The following PLB1 variants were observed in gnomAD, a reference collection of about 807,000 sequenced individuals.
PLB1 encodes phospholipase B1, also known as phospholipase B1, membrane-associated.
In PLB1, 242 loss-of-function variants were observed where a neutral mutation model predicts 227.4. That is an observed-to-expected ratio of 1.06 (90% CI 0.96 to 1.18). The LOEUF (loss-of-function observed/expected upper bound fraction) is 1.18. PLB1 is among the 50% of genes most tolerant of loss of function. PLB1 has a pLI of 0.00. For missense variants in PLB1, 1,858 were observed against 1,816.3 expected, an observed-to-expected ratio of 1.02 and a Z score of -0.42; for synonymous variants, 757 against 682.2, an observed-to-expected ratio of 1.11 and a Z score of -1.71.
chr2:28,584,688 T>G (rs576955106), intron 25 of PLB1, among the ~76,000 whole-genome samples: 2 of 152,326 alleles, frequency 1.3e-5, no homozygotes, highest in East Asian at 3.9e-4. Context: ...TCCCCGCCTC[T>G]CCACTGTTTC....
intron 31 of PLB1, 28 bp from the exon 32 acceptor site, chr2:28,592,633 C>A: frequency 6.2e-7 from 1 of 1,612,256 alleles, no homozygotes; most frequent in Non-Finnish European, 8.5e-7. Flanking sequence ...CCTCCTGCAG[C>A]CCTAAGTGTG....
intron 45 of PLB1, 149 bp downstream of exon 45, chr2:28,617,936 G>A: frequency 1.3e-6 from 1 of 792,248 alleles, no homozygotes. Context: ...TGCCGCCACA[G>A]CTGGGCTTCC....
At chr2:28,586,811 A>G (rs1249977863) in intron 26 of PLB1, among the ~76,000 whole-genome samples, 1 of 152,190 alleles carries the variant, frequency 6.6e-6, no homozygotes, top group Non-Finnish European at 1.5e-5. Context: ...GCAGTGGCAC[A>G]ATCTTGGCTC....
chr2:28,608,458 A>C (rs995984143), intron 43 of PLB1, among the ~76,000 whole-genome samples: 2 of 152,232 alleles, frequency 1.3e-5, no homozygotes, highest in Non-Finnish European at 2.9e-5. Context: ...GGCTGTGAGC[A>C]TGAGCTTTCT....
intron 23 of PLB1, among the ~76,000 whole-genome samples, chr2:28,580,582 C>T (rs1679755645): frequency 6.6e-6 from 1 of 152,112 alleles, no homozygotes; most frequent in African/African-American, 2.4e-5. Flanking sequence ...GTTGTGATGG[C>T]AAGTGCTTGT....
At chr2:28,630,554 G>A in intron 53 of PLB1, 32 bp from the exon 54 acceptor site, 1 of 1,593,918 alleles carries the variant, frequency 6.3e-7, no homozygotes. Flanking sequence ...AGTGCCCCAG[G>A]CAGCCTCAAT....
chr2:28,510,588 T>C (rs983226569), intron 1 of PLB1, among the ~76,000 whole-genome samples: 2 of 151,636 alleles, frequency 1.3e-5, no homozygotes, highest in Non-Finnish European at 2.9e-5. Context: ...TTGTGTTCTT[T>C]ACTCCTGATT....
At chr2:28,622,751 T>C (rs1687210401) in intron 49 of PLB1, among the ~76,000 whole-genome samples, 3 of 152,262 alleles carry the variant, frequency 2.0e-5, no homozygotes, top group South Asian at 4.1e-4. Flanking sequence ...CTGGGTGTGA[T>C]GGTACACGCC....
At chr2:28,526,093 C>A in intron 6 of PLB1, 148 bp downstream of exon 6, 1 of 867,712 alleles carries the variant, frequency 1.2e-6, no homozygotes, top group South Asian at 1.7e-5. Flanking sequence ...GAGGACAGAT[C>A]AGGAAGCCAG....
chr2:28,643,887 GTC>G lies in PLB1; in HGVS notation c.*828_*829del, dbSNP rs1358344022. 1 of 152,240 alleles carries G rather than the reference GTC, an allele frequency of 6.6e-6. No homozygotes were observed. The highest frequency in any genetic ancestry group is 6.5e-5 in the Admixed American group (1 of 15,282). 9.4% of individuals were successfully genotyped at this position (152,240 alleles called of 1,614,324 possible). A position where few individuals can be genotyped will look rare whatever the true frequency, so the allele number is the denominator to read the frequency against. ...GGTTTCTGAGGGAAAACTAGAGAGA[GTC>G]TGAAAATATGGGCTGCATTCACTGA... On this transcript the variant is annotated 3_prime_UTR_variant, in exon 58 of 58. Transcript: ENST00000327757.
chr2:28,572,563 T>C (rs1436973587), intron 20 of PLB1, among the ~76,000 whole-genome samples: 2 of 152,210 alleles, frequency 1.3e-5, no homozygotes, highest in Non-Finnish European at 1.5e-5. Context: ...GGAATATCAT[T>C]CAGCAATAAA....
chr2:28,626,573 GC>G (rs777128145), intron 51 of PLB1, 65 bp downstream of exon 51: 8 of 1,424,940 alleles, frequency 5.6e-6, no homozygotes, highest in Non-Finnish European at 7.9e-6. Flanking sequence ...CAACATCCTT[GC>G]CCATCCATCC....
chr2:28,513,080 G>T (rs1426923943), intron 1 of PLB1, among the ~76,000 whole-genome samples: 1 of 152,062 alleles, frequency 6.6e-6, no homozygotes, highest in African/African-American at 2.4e-5. Flanking sequence ...TTCCATATTA[G>T]TCCACTGCTT....
In PLB1 at chr2:28,550,075, C is replaced by T. The variant is rs1196363030; in HGVS notation, c.1074C>T (p.Asp358=). Reference sequence around the variant, plus strand: ...TGACCAGACTGCAGAAACCCCAAGACAAGCTTGAGGTAAGGAAAGGTTTTC... The same window carrying T: ...TGACCAGACTGCAGAAACCCCAAGATAAGCTTGAGGTAAGGAAAGGTTTTC... ...NYLTRLQKPQ[D]KLEVREGAEI... Residue 358 remains aspartate (D), a synonymous_variant, in exon 16 of 58, where the codon GAC becomes GAT. Coordinates refer to ENST00000327757, the MANE Select transcript of PLB1 (RefSeq NM_153021.5). 1.9e-6 allele frequency: 3 copies of T among 1,611,464 alleles called. No individual in the cohort carries two copies. In the East Asian group the frequency reaches 6.7e-5, roughly 36 times the overall value.
At chr2:28,606,068 C>T (rs1303853512) in intron 42 of PLB1, 120 bp downstream of exon 42, 11 of 783,450 alleles carry the variant, frequency 1.4e-5, no homozygotes, top group East Asian at 4.9e-5. Context: ...CATCTATAAA[C>T]GTCTATGCAG....
chr2:28,537,436 A>G (rs1041244913), intron 9 of PLB1, among the ~76,000 whole-genome samples: 4 of 152,094 alleles, frequency 2.6e-5, no homozygotes, highest in African/African-American at 9.7e-5. Context: ...CCCAGCCTGT[A>G]ATCCAGCACT....
rs1416608871 is a variant in PLB1, at chr2:28,592,512, T to C, written c.2189-149T>C. Reference sequence around the variant, plus strand: ...TACGGGAAAACTGTCCTCATATAACTTTGCCTCCATGGCACTGTGCACACC... The same window carrying C: ...TACGGGAAAACTGTCCTCATATAACCTTGCCTCCATGGCACTGTGCACACC... On this transcript the variant is annotated intron_variant, in intron 31 of 57. Transcript: ENST00000327757. 3 of 756,096 alleles carry C rather than the reference T, an allele frequency of 4.0e-6. No individual in the cohort carries two copies. The African/African-American group carries it at 5.2e-5, about 13-fold the overall frequency. The allele number at this position is 756,096 out of a possible 1,614,324, so 46.8% of individuals were successfully genotyped here.
At chr2:28,565,017 C>T (rs539970952) in intron 18 of PLB1, among the ~76,000 whole-genome samples, 18 of 152,270 alleles carry the variant, frequency 1.2e-4, no homozygotes, top group East Asian at 1.9e-4. Flanking sequence ...TTTTGCTGGA[C>T]GAGTTTTACT....
intron 19 of PLB1, chr2:28,566,561 C>T (rs1676942088): frequency 1.9e-6 from 1 of 515,288 alleles, no homozygotes; most frequent in Admixed American, 3.3e-5. Flanking sequence ...CCAACATCAG[C>T]GAAAATCAGC....
Sources: allele counts gnomAD v4.1 joint callset (sites outside exome capture counted in the v4.1 genomes callset), GRCh38; gene constraint gnomAD v4.1.1; transcripts MANE v1.5; gene names NCBI Gene and HGNC (gene_info 2026-07-23, HGNC 2026-07-21).